RNF152: variants seen among roughly 807,000 people sequenced by gnomAD.
RNF152 encodes E3 ubiquitin-protein ligase RNF152.
In RNF152, 11 loss-of-function variants were observed where a neutral mutation model predicts 12.7. The observed-to-expected ratio is 0.86, with a 90% confidence interval of 0.54 to 1.43. RNF152 has a LOEUF of 1.43. RNF152 is among the 40% of genes most tolerant of loss of function. The probability of loss-of-function intolerance (pLI) is 0.00; values close to 1 mark genes in which losing one functional copy is unlikely to be tolerated. For missense variants in RNF152, 255 were observed against 274.8 expected, an observed-to-expected ratio of 0.93 and a Z score of 0.51; for synonymous variants, 113 against 120.3, an observed-to-expected ratio of 0.94 and a Z score of 0.40.
chr18:61,843,548 A>G (rs1387787921), intron 1 of RNF152, among the ~76,000 whole-genome samples: 1 of 152,216 alleles, frequency 6.6e-6, no homozygotes, highest in African/African-American at 2.4e-5. Flanking sequence ...ATGGGAAAAT[A>G]CCCAAATGCC....
intron 1 of RNF152, among the ~76,000 whole-genome samples, chr18:61,867,430 C>T (rs1245966669): frequency 2.0e-5 from 3 of 150,436 alleles, no homozygotes; most frequent in South Asian, 4.2e-4. Flanking sequence ...CCAGCCTGGG[C>T]GACAGAGTGA....
chr18:61,836,226 C>T (rs1259786651), intron 1 of RNF152, among the ~76,000 whole-genome samples: 2 of 151,980 alleles, frequency 1.3e-5, no homozygotes, highest in South Asian at 2.1e-4. Context: ...CCTTTTGTGC[C>T]ATCACGTGGG....
intron 1 of RNF152, among the ~76,000 whole-genome samples, chr18:61,883,939 T>C (rs1912574588): frequency 6.6e-6 from 1 of 152,158 alleles, no homozygotes; most frequent in African/African-American, 2.4e-5. Context: ...CTGACAATAA[T>C]GACAGGTAAA....
At chr18:61,844,969 A>G (rs8090006) in intron 1 of RNF152, among the ~76,000 whole-genome samples, 67,658 of 152,040 alleles carry the variant, frequency 0.45, 15,403 homozygotes, top group Non-Finnish European at 0.49. Flanking sequence ...TATTCCTTCC[A>G]TTCCTCCTGA....
intron 1 of RNF152, among the ~76,000 whole-genome samples, chr18:61,890,945 G>A (rs975154933): frequency 1.3e-5 from 2 of 152,194 alleles, no homozygotes; most frequent in African/African-American, 4.8e-5. Flanking sequence ...AGTTGAGGCT[G>A]GATGACCATA....
chr18:61,873,699 TGTTTC>T (rs1319825855), intron 1 of RNF152, among the ~76,000 whole-genome samples: 2 of 152,182 alleles, frequency 1.3e-5, no homozygotes, highest in African/African-American at 4.8e-5. Flanking sequence ...CACCACCATT[TGTTTC>T]TTTTTCTGCC....
In RNF152 at chr18:61,809,491, C is replaced by G. The variant is rs1042827272; in HGVS notation, c.*6361G>C. 2 of 152,162 alleles carry G rather than the reference C, an allele frequency of 1.3e-5. No homozygotes were observed. The highest frequency in any genetic ancestry group is 4.8e-5 in the African/African-American group (2 of 41,424). The allele number at this position is 152,162 out of a possible 1,614,324, so 9.4% of individuals were successfully genotyped here. A position where few individuals can be genotyped will look rare whatever the true frequency, so the allele number is the denominator to read the frequency against. ...AATGTTGAATTAAAAATGGGCCATC[C>G]CTTTGGAAAACTCCTGTTAGAATAA... is the stretch of plus-strand genomic sequence containing the variant. On this transcript the variant is annotated 3_prime_UTR_variant, in exon 2 of 2. Coordinates refer to ENST00000312828, the MANE Select transcript of RNF152 (RefSeq NM_173557.3).
intron 1 of RNF152, among the ~76,000 whole-genome samples, chr18:61,863,307 C>T (rs565835869): frequency 4.6e-5 from 7 of 152,060 alleles, no homozygotes; most frequent in East Asian, 3.9e-4. Context: ...TGGTGACACA[C>T]GCCTGTAGTC....
chr18:61,808,475 C>A lies in RNF152; in HGVS notation c.*7377G>T, dbSNP rs1289437080. On this transcript the variant is annotated 3_prime_UTR_variant, in exon 2 of 2. Coordinates refer to ENST00000312828, the MANE Select transcript of RNF152 (RefSeq NM_173557.3). ...ACACATCAAGGATTTGAGTTAATAG[C>A]CTCTGAGCAGCATTAATATAGCCAT... The A allele has an allele frequency of 6.7e-6, 1 of 148,288 alleles. No individual in the cohort carries two copies. The highest frequency in any genetic ancestry group is 1.5e-5 in the Non-Finnish European group (1 of 67,456). 9.2% of individuals were successfully genotyped at this position (148,288 alleles called of 1,614,324 possible).
At chr18:61,884,997 T>C (rs757144642) in intron 1 of RNF152, among the ~76,000 whole-genome samples, 1 of 152,242 alleles carries the variant, frequency 6.6e-6, no homozygotes, top group Non-Finnish European at 1.5e-5. Flanking sequence ...GAAGTACCAA[T>C]GTAAAGGAGT....
At chr18:61,872,779 G>C (rs202033474) in intron 1 of RNF152, among the ~76,000 whole-genome samples, 1 of 152,182 alleles carries the variant, frequency 6.6e-6, no homozygotes, top group East Asian at 1.9e-4. Flanking sequence ...TTCTGGTATA[G>C]AAACAAAACA....
intron 1 of RNF152, among the ~76,000 whole-genome samples, chr18:61,866,556 G>T (rs1427589625): frequency 6.6e-6 from 1 of 152,178 alleles, no homozygotes; most frequent in African/African-American, 2.4e-5. Flanking sequence ...CGCATCCTTT[G>T]GTGACTTGGC....
intron 1 of RNF152, among the ~76,000 whole-genome samples, chr18:61,817,752 A>AG (rs1232450609): frequency 6.6e-6 from 1 of 151,924 alleles, no homozygotes; most frequent in African/African-American, 2.4e-5. Context: ...TAAAAAAAAA[A>AG]AAAAAGTGTT....
chr18:61,810,121 C>G lies in RNF152; in HGVS notation c.*5731G>C, dbSNP rs891644494. The G allele has an allele frequency of 1.3e-5, 2 of 152,154 alleles. No homozygotes were observed. Among genetic ancestry groups the G allele is most frequent in the Non-Finnish European group, 2.9e-5 (2 of 68,026 alleles). The allele number at this position is 152,154 out of a possible 1,614,324, so 9.4% of individuals were successfully genotyped here. ...AGTTTCAAGTGTTTATATAGACACT[C>G]CCAAAGGTAGTTAGTTTGACATAAT... On this transcript the variant is annotated 3_prime_UTR_variant, in exon 2 of 2. Coordinates refer to ENST00000312828, the MANE Select transcript of RNF152 (RefSeq NM_173557.3).
chr18:61,850,921 G>A (rs954814491), intron 1 of RNF152, among the ~76,000 whole-genome samples: 6 of 151,880 alleles, frequency 4.0e-5, no homozygotes, highest in Non-Finnish European at 7.4e-5. Context: ...TGCAGCTCTG[G>A]GCACACGGAA....
At chr18:61,846,060 T>C (rs1418050437) in intron 1 of RNF152, among the ~76,000 whole-genome samples, 1 of 152,098 alleles carries the variant, frequency 6.6e-6, no homozygotes, top group Non-Finnish European at 1.5e-5. Flanking sequence ...AAATGGGCTC[T>C]CACAAGACAC....
chr18:61,884,194 C>T (rs1912589343), intron 1 of RNF152, among the ~76,000 whole-genome samples: 1 of 151,552 alleles, frequency 6.6e-6, no homozygotes, highest in South Asian at 2.1e-4. Context: ...CCTGTTCTTA[C>T]ACTAACTCAA....
In RNF152 at chr18:61,816,028, C is replaced by G; in HGVS notation, c.436G>C (p.Ala146Pro). The change falls in exon 2 of 2, where the codon GCT (alanine) becomes CCT (proline). Residue 146 changes from alanine (A) to proline (P), a missense_variant. Ala to Pro is a conservative substitution (Grantham distance 27, BLOSUM62 -1). Coordinates refer to ENST00000312828, the MANE Select transcript of RNF152 (RefSeq NM_173557.3). ...TCCTCCTCCACCGCCTCCTGGGGAG[C>G]CCCACCTTGCAGAGGCTGCTGTTCA... ...PAEQQPLQGG[A>P]PQEAVEEEQD... 6.2e-7 allele frequency: 1 copy of G among 1,614,236 alleles called. No homozygotes were observed. Among genetic ancestry groups the G allele is most frequent in the Non-Finnish European group, 8.5e-7 (1 of 1,180,042 alleles).
chr18:61,831,047 A>G (rs1599273889), intron 1 of RNF152, among the ~76,000 whole-genome samples: 2 of 152,364 alleles, frequency 1.3e-5, no homozygotes, highest in African/African-American at 2.4e-5. Context: ...TATTTCCATT[A>G]ACAGGCCTTC....
Sources: allele counts gnomAD v4.1 joint callset (sites outside exome capture counted in the v4.1 genomes callset), GRCh38; gene constraint gnomAD v4.1.1; transcripts MANE v1.5; gene names NCBI Gene and HGNC (gene_info 2026-07-23, HGNC 2026-07-21).